AGO3: variants seen among roughly 807,000 people sequenced by gnomAD.
AGO3 encodes the protein protein argonaute-3.
In AGO3, 16 loss-of-function variants were observed where a neutral mutation model predicts 105.5. The ratio of observed to expected loss-of-function variants is 0.15; its 90% confidence interval spans 0.10 to 0.23. The LOEUF is 0.23. Among genes scored for constraint, AGO3 ranks in the 10% least tolerant of loss-of-function variants. The probability of loss-of-function intolerance (pLI) is 1.00; values close to 1 mark genes in which losing one functional copy is unlikely to be tolerated. For synonymous variants in AGO3, 340 were observed against 367.3 expected (o/e 0.93, Z 0.85); for missense variants, 534 against 1,088.0 (o/e 0.49, Z 7.16).
chr1:35,966,834 T>C (rs985358792), intron 2 of AGO3, 121 bp from the exon 3 acceptor site: 2 of 1,169,782 alleles, frequency 1.7e-6, no homozygotes, highest in African/African-American at 3.1e-5. Context: ...AAAATCTTTA[T>C]CATATATGAA....
chr1:36,023,159 C>T (rs1641326618), intron 11 of AGO3, among the ~76,000 whole-genome samples: 1 of 152,116 alleles, frequency 6.6e-6, no homozygotes, highest in African/African-American at 2.4e-5. Context: ...GACTTCTGAA[C>T]CCATTTCAGA....
At chr1:36,016,952 TC>T (rs1377343879) in intron 11 of AGO3, among the ~76,000 whole-genome samples, 1 of 152,100 alleles carries the variant, frequency 6.6e-6, no homozygotes, top group African/African-American at 2.4e-5. Flanking sequence ...GTTTAAAAAT[TC>T]CTCCCTTTTG....
chr1:36,024,591 T>G (rs1641409565), intron 11 of AGO3, among the ~76,000 whole-genome samples: 1 of 152,232 alleles, frequency 6.6e-6, no homozygotes, highest in African/African-American at 2.4e-5. Context: ...TCGGCTGTCA[T>G]GAAAGAACAC....
intron 2 of AGO3, among the ~76,000 whole-genome samples, chr1:35,958,753 T>G (rs1464742579): frequency 6.6e-6 from 1 of 152,232 alleles, no homozygotes; most frequent in Admixed American, 6.5e-5. Flanking sequence ...TTGGCTACCT[T>G]CTCTGCTAGT....
intron 8 of AGO3, 166 bp from the exon 9 acceptor site, chr1:36,009,309 T>G: frequency 1.2e-6 from 1 of 865,754 alleles, no homozygotes; most frequent in Non-Finnish European, 1.7e-6. Context: ...TAATTATACT[T>G]AATTACTGTA....
At chr1:35,978,404 C>T (rs1646991200) in intron 5 of AGO3, among the ~76,000 whole-genome samples, 2 of 152,128 alleles carry the variant, frequency 1.3e-5, no homozygotes, top group South Asian at 4.1e-4. Flanking sequence ...GTTGGTCAGG[C>T]TGGTCTCGAA....
rs149071533 is a variant in AGO3, at chr1:36,037,340, G to A, written c.1842+1073G>A. Among the ~76,000 whole-genome samples the A allele has an allele frequency of 3.4e-4, 51 of 152,096 alleles. 1 individual carries two copies. The highest frequency in any genetic ancestry group is 1.1e-3 in the African/African-American group (47 of 41,502). On this transcript the variant is annotated intron_variant, in intron 14 of 18. Transcript: ENST00000373191. ...AGTTCAAGACCAGCCTGACCAACAT[G>A]GTGAAACCCCATCTGTATAAAAAAT...
chr1:36,012,792 T>A (rs1204246118), intron 9 of AGO3, among the ~76,000 whole-genome samples: 1 of 151,992 alleles, frequency 6.6e-6, no homozygotes, highest in Admixed American at 6.6e-5. Flanking sequence ...AGCTGGGTAG[T>A]ACATAGTGGT....
rs1179234831 is a variant in AGO3 at position 36,064,670 on chromosome 1, T to G, written c.*8925T>G. 1 of 152,224 alleles carries G rather than the reference T, an allele frequency of 6.6e-6. No homozygotes were observed. Among genetic ancestry groups the G allele is most frequent in the Non-Finnish European group, 1.5e-5 (1 of 68,042 alleles). The allele number at this position is 152,224 out of a possible 1,614,324, so 9.4% of individuals were successfully genotyped here. A position where few individuals can be genotyped will look rare whatever the true frequency, so the allele number is the denominator to read the frequency against. ...TTTATTTTTATATGATGTAAAGTTT[T>G]ACAGTTTAAAATAGATCAGCATGTG... is the stretch of plus-strand genomic sequence containing the variant. On this transcript the variant is annotated 3_prime_UTR_variant, in exon 19 of 19. Transcript: ENST00000373191.
intron 16 of AGO3, among the ~76,000 whole-genome samples, chr1:36,041,849 C>T (rs565182604): frequency 2.0e-5 from 3 of 152,058 alleles, no homozygotes; most frequent in African/African-American, 7.2e-5. Context: ...AAATAAAATA[C>T]GTAATGCACT....
intron 2 of AGO3, among the ~76,000 whole-genome samples, chr1:35,948,216 A>ATTTTT (rs926949293): frequency 7.4e-6 from 1 of 135,330 alleles, no homozygotes. Context: ...AAGGAACAGA[A>ATTTTT]TTTTTTTTTT....
chr1:35,947,983 G>A (rs1646398101), intron 2 of AGO3, among the ~76,000 whole-genome samples: 1 of 152,166 alleles, frequency 6.6e-6, no homozygotes, highest in Non-Finnish European at 1.5e-5. Flanking sequence ...CTTAAGCCCA[G>A]GAGTTAAGGC....
At chr1:36,036,313 A>G (rs763439568) in intron 14 of AGO3, 46 bp downstream of exon 14, 2 of 1,546,552 alleles carry the variant, frequency 1.3e-6, no homozygotes, top group South Asian at 1.2e-5. Flanking sequence ...ACAGACCAGT[A>G]TCAATTTTGC....
Position 36,058,673 on chromosome 1 carries a change from G to T in AGO3, c.*2928G>T, listed in dbSNP as rs1334737701. ...TTTTGTCCCTCTGCCAGAAAACTAA[G>T]AAAGTACTGTATTTTGTATGTTTAT... On this transcript the variant is annotated 3_prime_UTR_variant, in exon 19 of 19. Transcript: ENST00000373191. 1 of 152,090 alleles carries T rather than the reference G, an allele frequency of 6.6e-6. No homozygotes were observed. The highest frequency in any genetic ancestry group is 1.5e-5 in the Non-Finnish European group (1 of 68,002). 9.4% of individuals were successfully genotyped at this position (152,090 alleles called of 1,614,324 possible).
rs191490576 is a variant in AGO3, at chr1:35,960,172, T to C, written c.192-6783T>C. The stretch of plus-strand genomic sequence containing the variant: ...ACCTTTGCTACTATAGCTGACTAGA[T>C]GGCTTAGGAAACTAGATAAATTACT... On this transcript the variant is annotated intron_variant, in intron 2 of 18. Coordinates refer to ENST00000373191, the MANE Select transcript of AGO3 (RefSeq NM_024852.4). 1.8e-4 allele frequency among the ~76,000 whole-genome samples: 27 copies of C among 152,298 alleles called. No individual in the cohort carries two copies. In the East Asian group the frequency reaches 3.9e-3, roughly 22 times the overall value.
intron 13 of AGO3, among the ~76,000 whole-genome samples, chr1:36,035,239 A>G (rs909985234): frequency 2.0e-5 from 3 of 152,156 alleles, no homozygotes; most frequent in Admixed American, 6.6e-5. Context: ...TCTCTACAAA[A>G]AAATAGAAAG....
At chr1:36,050,280 G>A (rs928704020) in intron 17 of AGO3, among the ~76,000 whole-genome samples, 1 of 152,166 alleles carries the variant, frequency 6.6e-6, no homozygotes. Context: ...GAGGTCAGGA[G>A]TTCAAGACCA....
At chr1:35,947,898 C>G (rs781049304) in intron 2 of AGO3, among the ~76,000 whole-genome samples, 3 of 152,084 alleles carry the variant, frequency 2.0e-5, no homozygotes, top group Non-Finnish European at 4.4e-5. Context: ...GATATTTACA[C>G]TTTAAAAAGG....
chr1:36,031,814 A>C (rs1211704474), intron 12 of AGO3, among the ~76,000 whole-genome samples: 1 of 149,224 alleles, frequency 6.7e-6, no homozygotes, highest in East Asian at 2.0e-4. Flanking sequence ...AATATCCTCA[A>C]GGTTCATCCA....
Sources: gnomAD v4.1 joint callset for allele counts (sites outside exome capture counted in the v4.1 genomes callset) on GRCh38, gnomAD v4.1.1 for gene constraint, MANE v1.5 for transcripts, NCBI Gene and HGNC (gene_info 2026-07-23, HGNC 2026-07-21) for gene names.